Variants in COX15 observed in about 807,000 individuals in gnomAD.
The protein encoded by COX15 is cytochrome c oxidase assembly factor COX15.
A neutral mutation model predicts 51.9 loss-of-function variants in COX15; 51 were observed. The ratio of observed to expected loss-of-function variants is 0.98; its 90% CI spans 0.78 to 1.24. COX15 has a LOEUF of 1.24. Ranked by LOEUF, COX15 falls within the 50% of genes most tolerant of loss-of-function variation. The pLI is 0.00. For synonymous variants in COX15, 188 were observed against 190.5 expected (o/e 0.99, Z 0.11); for missense variants, 420 against 501.1 (o/e 0.84, Z 1.55).
At chr10:99,710,465 A>G, downstream of COX15, 1 of 985,398 alleles carries the variant, frequency 1.0e-6, no homozygotes, top group Non-Finnish European at 1.2e-6. Flanking sequence ...TTAAAAAACC[A>G]AAGGCTGCCT....
At chr10:99,704,984 T>C in the COX15 span, 1 of 350,716 alleles carries the variant, frequency 2.9e-6, no homozygotes, top group Non-Finnish European at 5.3e-6. Context: ...TCCTAGAATC[T>C]CACCTTTTCT....
chr10:99,711,135 C>T lies in COX15; in HGVS notation c.*3452G>A. 1.0e-6 allele frequency: 1 copy of T among 984,946 alleles called. No homozygotes were observed. Among genetic ancestry groups the T allele is most frequent in the African/African-American group, 1.7e-5 (1 of 57,302 alleles). 61.0% of individuals were successfully genotyped at this position (984,946 alleles called of 1,614,324 possible). A position where few individuals can be genotyped will look rare whatever the true frequency, so the allele number is the denominator to read the frequency against. ...CCCTAAGATAATCATTCACCAGAAG[C>T]TCATAGATATAATACAGTTATATAG... On this transcript the variant is annotated 3_prime_UTR_variant, in exon 9 of 9. Transcript: ENST00000016171.
At chr10:99,703,614 C>T in the COX15 span, among the ~76,000 whole-genome samples, 2 of 152,218 alleles carry the variant, frequency 1.3e-5, no homozygotes, top group African/African-American at 4.8e-5. Context: ...GACCATTACA[C>T]TTGGTTTTCA....
chr10:99,698,967 T>C, the COX15 span: 3 of 1,039,122 alleles, frequency 2.9e-6, no homozygotes, highest in African/African-American at 1.6e-5. Context: ...ATCTCACTTG[T>C]TCTTTGCAGG....
At chr10:99,704,426 C>T in the COX15 span, 1 of 1,611,866 alleles carries the variant, frequency 6.2e-7, no homozygotes, top group Non-Finnish European at 8.5e-7. Flanking sequence ...GTTTTTTCCA[C>T]CTACAAATTC....
chr10:99,710,774 A>C (rs80332976), downstream of COX15: 2,321 of 984,550 alleles, frequency 2.4e-3, 53 homozygotes, highest in African/African-American at 0.038. Flanking sequence ...CTCTGCAACC[A>C]ACATTGCTTT....
chr10:99,711,904 A>G lies in COX15; in HGVS notation c.*2683T>C. 1.2e-6 allele frequency: 1 copy of G among 867,820 alleles called. No individual in the cohort carries two copies. Among genetic ancestry groups the G allele is most frequent in the Non-Finnish European group, 1.4e-6 (1 of 722,862 alleles). 53.8% of individuals were successfully genotyped at this position (867,820 alleles called of 1,614,324 possible). ...TTCTGCATAGAACTGTATAGGAAGC[A>G]TGGCGCTGGCATCTGCTTCTGGTGA... On this transcript the variant is annotated 3_prime_UTR_variant, in exon 9 of 9. Transcript: ENST00000016171.
intron 7 of COX15, among the ~76,000 whole-genome samples, chr10:99,717,251 A>C (rs2036607844): frequency 6.6e-6 from 1 of 151,910 alleles, no homozygotes; most frequent in African/African-American, 2.4e-5. Flanking sequence ...CTAGCTCCAC[A>C]CTCATTCTGA....
At position 99,713,055 on chromosome 10, in the gene COX15, C is replaced by G. The variant is rs1564643156; in HGVS notation, c.*1532G>C. The G allele has an allele frequency of 8.5e-7, 1 of 1,174,626 alleles. No homozygotes were observed. Among genetic ancestry groups the G allele is most frequent in the Non-Finnish European group, 1.1e-6 (1 of 941,166 alleles). The allele number at this position is 1,174,626 out of a possible 1,614,324, so 72.8% of individuals were successfully genotyped here. On this transcript the variant is annotated 3_prime_UTR_variant, in exon 9 of 9. Transcript: ENST00000016171. Reference sequence around the variant, plus strand: ...ATACACACTTAGTGGCCATCAATATCTTGCTTAAATTTGGTACCCAGAGTG... The same window carrying G: ...ATACACACTTAGTGGCCATCAATATGTTGCTTAAATTTGGTACCCAGAGTG...
rs1163745614 is a variant in COX15, at chr10:99,727,464, G to T, written c.372C>A (p.Tyr124Ter). 3.1e-6 allele frequency: 5 copies of T among 1,613,578 alleles called. No individual in the cohort carries two copies. Among genetic ancestry groups the T allele is most frequent in the South Asian group, 2.2e-5 (2 of 91,078 alleles). Residue 124 changes from tyrosine (Y) to a stop codon, truncating the protein, a stop_gained, in exon 3 of 9, where the codon TAC (tyrosine) becomes TAA (stop). Coordinates refer to ENST00000016171, the MANE Select transcript of COX15 (RefSeq NM_078470.6). LOFTEE classifies it high-confidence loss of function. The stretch of plus-strand genomic sequence containing the variant: ...ACATTTTAAATTCTGGAAATTGCTG[G>T]TATCTTTGGAATTCTGCTTCCCATT... ...QEEWEAEFQR[Y>*]QQFPEFKILN...
At chr10:99,695,035 GAATA>G in the COX15 span, among the ~76,000 whole-genome samples, 85 of 152,304 alleles carry the variant, frequency 5.6e-4, no homozygotes, top group Non-Finnish European at 4.1e-4. Context: ...AGATAAAAGA[GAATA>G]AATAAATAAA....
At chr10:99,700,081 G>C in the COX15 span, among the ~76,000 whole-genome samples, 1 of 152,092 alleles carries the variant, frequency 6.6e-6, no homozygotes, top group African/African-American at 2.4e-5. Flanking sequence ...CCTCCAGGAC[G>C]ACCTTCACGC....
intron 1 of COX15, among the ~76,000 whole-genome samples, chr10:99,731,462 C>T (rs2037142294): frequency 1.3e-5 from 2 of 152,314 alleles, no homozygotes; most frequent in East Asian, 3.9e-4. Context: ...TGCATGCCCT[C>T]TTCTTACTAT....
chr10:99,708,351 T>G (rs2036291692), downstream of COX15, among the ~76,000 whole-genome samples: 1 of 152,168 alleles, frequency 6.6e-6, no homozygotes, highest in South Asian at 2.1e-4. Flanking sequence ...CTTCTCACAG[T>G]TTTATGTTTT....
At chr10:99,719,000 A>C in intron 6 of COX15, among the ~76,000 whole-genome samples, 1 of 152,190 alleles carries the variant, frequency 6.6e-6, no homozygotes, top group East Asian at 1.9e-4. Context: ...TCATGGCACT[A>C]AATATCATCT....
chr10:99,703,482 A>G, the COX15 span, among the ~76,000 whole-genome samples: 2 of 152,190 alleles, frequency 1.3e-5, no homozygotes, highest in East Asian at 1.9e-4. Context: ...TCAGAAATCC[A>G]TATTTTTTAT....
At chr10:99,727,893 C>T (rs537552141) in intron 2 of COX15, among the ~76,000 whole-genome samples, 4 of 151,932 alleles carry the variant, frequency 2.6e-5, no homozygotes, top group African/African-American at 9.7e-5. Flanking sequence ...AAATGCATAA[C>T]CAACATTCCT....
At position 99,727,173 on chromosome 10, in the gene COX15, C is replaced by G; in HGVS notation, c.396-19G>C. 6.2e-7 allele frequency: 1 copy of G among 1,612,462 alleles called. No homozygotes were observed. The highest frequency in any genetic ancestry group is 8.5e-7 in the Non-Finnish European group (1 of 1,178,858). Reference sequence around the variant, plus strand: ...ATTCAAGCTGGGTGAAATGGAAAGTCAAAAAAGGAGGAGGAGGAAACATCC... The same window carrying G: ...ATTCAAGCTGGGTGAAATGGAAAGTGAAAAAAGGAGGAGGAGGAAACATCC... On this transcript the variant is annotated intron_variant, in intron 3 of 8. Coordinates refer to ENST00000016171, the MANE Select transcript of COX15 (RefSeq NM_078470.6).
chr10:99,727,252 A>G, intron 3 of COX15, 98 bp from the exon 4 acceptor site: 1 of 1,477,284 alleles, frequency 6.8e-7, no homozygotes, highest in African/African-American at 1.4e-5. Flanking sequence ...CAGTCCTGCA[A>G]CTTGGTAGGT....
Sources: gnomAD v4.1 joint callset for allele counts (sites outside exome capture counted in the v4.1 genomes callset) on GRCh38, gnomAD v4.1.1 for gene constraint, MANE v1.5 for transcripts, NCBI Gene and HGNC (gene_info 2026-07-23, HGNC 2026-07-21) for gene names.